The following EPHB1 variants were observed in gnomAD, a reference collection of about 807,000 sequenced individuals.
The protein encoded by EPHB1 is ephrin type-B receptor 1.
A neutral mutation model predicts 94.4 loss-of-function variants in EPHB1; 30 were observed. The ratio of observed to expected loss-of-function variants is 0.32; its 90% confidence interval spans 0.24 to 0.43. The LOEUF is 0.43. EPHB1 is among the 20% of genes least tolerant of loss of function. The pLI is 1.00. For missense variants in EPHB1, 1,055 were observed against 1,308.3 expected, an observed-to-expected ratio of 0.81 and a Z score of 2.99; for synonymous variants, 522 against 489.1, an observed-to-expected ratio of 1.07 and a Z score of -0.89.
chr3:134,908,901 A>C (rs1488587179), intron 1 of EPHB1, among the ~76,000 whole-genome samples: 4 of 152,098 alleles, frequency 2.6e-5, no homozygotes, highest in Admixed American at 6.5e-5. Context: ...AGTGGAATTC[A>C]TAAGGGAACA....
intron 8 of EPHB1, 27 bp from the exon 9 acceptor site, chr3:135,166,915 T>A: frequency 6.2e-7 from 1 of 1,613,596 alleles, no homozygotes. Context: ...GCCCTGTGGC[T>A]GAGAGAGCCC....
chr3:135,182,430 A>C (rs1471531810), intron 10 of EPHB1, among the ~76,000 whole-genome samples: 1 of 151,874 alleles, frequency 6.6e-6, no homozygotes. Context: ...TTCTTCCCTC[A>C]GGCTTTTACT....
intron 3 of EPHB1, among the ~76,000 whole-genome samples, chr3:134,962,096 C>G (rs1030821786): frequency 1.9e-4 from 29 of 152,146 alleles, no homozygotes; most frequent in African/African-American, 7.0e-4. Context: ...TTTGTTCCCA[C>G]CAGCAGTGTT....
At chr3:135,156,791 A>G (rs1207949345) in intron 6 of EPHB1, among the ~76,000 whole-genome samples, 1 of 152,236 alleles carries the variant, frequency 6.6e-6, no homozygotes, top group Non-Finnish European at 1.5e-5. Flanking sequence ...CTTACTTGCT[A>G]GATATTTTTT....
At chr3:135,253,913 T>C (rs932080002) in intron 15 of EPHB1, among the ~76,000 whole-genome samples, 5 of 151,132 alleles carry the variant, frequency 3.3e-5, no homozygotes, top group African/African-American at 1.2e-4. Context: ...TAGTTCTCCT[T>C]GAAGAGGTCC....
intron 3 of EPHB1, among the ~76,000 whole-genome samples, chr3:134,970,657 G>A (rs991965918): frequency 2.6e-5 from 4 of 151,992 alleles, no homozygotes; most frequent in South Asian, 4.1e-4. Flanking sequence ...TGATTAGCAC[G>A]TATTTGAAGA....
chr3:134,877,769 C>G (rs893433997), intron 1 of EPHB1, among the ~76,000 whole-genome samples: 1 of 152,188 alleles, frequency 6.6e-6, no homozygotes, highest in Non-Finnish European at 1.5e-5. Context: ...TTACCTGCAG[C>G]CTGTCATACC....
chr3:135,010,483 C>T (rs1935581013), intron 3 of EPHB1, among the ~76,000 whole-genome samples: 1 of 150,676 alleles, frequency 6.6e-6, no homozygotes. Flanking sequence ...ATATTAAGTG[C>T]TTGGGTATTT....
At chr3:134,884,430 G>C (rs1029838809) in intron 1 of EPHB1, among the ~76,000 whole-genome samples, 2 of 152,176 alleles carry the variant, frequency 1.3e-5, no homozygotes, top group African/African-American at 4.8e-5. Context: ...TTTTAACTCT[G>C]AAAGTATCTG....
chr3:134,813,277 C>T (rs2036209892), intron 1 of EPHB1, among the ~76,000 whole-genome samples: 1 of 152,156 alleles, frequency 6.6e-6, no homozygotes, highest in African/African-American at 2.4e-5. Flanking sequence ...CATACATTCC[C>T]TCCAGTTCCA....
At chr3:135,133,616 G>C (rs989666511) in intron 5 of EPHB1, among the ~76,000 whole-genome samples, 1 of 152,212 alleles carries the variant, frequency 6.6e-6, no homozygotes, top group African/African-American at 2.4e-5. Flanking sequence ...TAGTTCAAAA[G>C]TGTATTCTCC....
intron 1 of EPHB1, among the ~76,000 whole-genome samples, chr3:134,889,619 A>G (rs1279502173): frequency 6.6e-6 from 1 of 151,806 alleles, no homozygotes; most frequent in Non-Finnish European, 1.5e-5. Context: ...TGCTAAGACT[A>G]TTTGCCTCTT....
intron 3 of EPHB1, among the ~76,000 whole-genome samples, chr3:134,992,184 CTG>C (rs1934829419): frequency 2.6e-5 from 4 of 152,246 alleles, no homozygotes; most frequent in Admixed American, 6.5e-5. Flanking sequence ...CCAGGGAAGA[CTG>C]TGATTTATGG....
At chr3:134,825,828 A>G (rs2036467008) in intron 1 of EPHB1, among the ~76,000 whole-genome samples, 1 of 151,976 alleles carries the variant, frequency 6.6e-6, no homozygotes, top group African/African-American at 2.4e-5. Flanking sequence ...GAAGGATTAA[A>G]TTTCCCCCTC....
intron 4 of EPHB1, among the ~76,000 whole-genome samples, chr3:135,108,743 C>A (rs575094502): frequency 6.6e-6 from 1 of 152,328 alleles, no homozygotes; most frequent in Admixed American, 6.5e-5. Context: ...TCTACCCAGG[C>A]CTGCAGCTCT....
chr3:134,959,236 G>A (rs1399197947), intron 3 of EPHB1, among the ~76,000 whole-genome samples: 1 of 152,118 alleles, frequency 6.6e-6, no homozygotes, highest in African/African-American at 2.4e-5. Flanking sequence ...AGACCTCTGG[G>A]GTCTGAAACT....
intron 1 of EPHB1, among the ~76,000 whole-genome samples, chr3:134,837,018 A>C (rs904765824): frequency 1.3e-5 from 2 of 152,228 alleles, no homozygotes; most frequent in African/African-American, 4.8e-5. Context: ...ATGCATCAGC[A>C]AATATCCATC....
chr3:134,813,413 C>T (rs1166112874), intron 1 of EPHB1, among the ~76,000 whole-genome samples: 1 of 152,188 alleles, frequency 6.6e-6, no homozygotes, highest in Non-Finnish European at 1.5e-5. Flanking sequence ...CCCAAGGGTC[C>T]TGCTTCTCCA....
chr3:135,162,423 C>T (rs1941534337), intron 7 of EPHB1, among the ~76,000 whole-genome samples: 1 of 152,306 alleles, frequency 6.6e-6, no homozygotes, highest in Middle Eastern at 3.4e-3. Context: ...TCTTGCATTT[C>T]AGCAGTGAGA....
Sources: allele counts gnomAD v4.1 joint callset (sites outside exome capture counted in the v4.1 genomes callset), GRCh38; gene constraint gnomAD v4.1.1; transcripts MANE v1.5; gene names NCBI Gene and HGNC (gene_info 2026-07-23, HGNC 2026-07-21).